ADGRG7: variants seen among roughly 807,000 people sequenced by gnomAD.
ADGRG7 encodes the protein adhesion G protein-coupled receptor G7.
A neutral mutation model predicts 88.6 loss-of-function variants in ADGRG7; 82 were observed. That is an observed-to-expected ratio of 0.93 (90% CI 0.77 to 1.11). The LOEUF (loss-of-function observed/expected upper bound fraction) is 1.11. Among genes scored for constraint, ADGRG7 ranks in the 50% most tolerant of loss-of-function variants. ADGRG7 has a pLI of 0.00. For synonymous variants in ADGRG7, 381 were observed against 345.2 expected (o/e 1.10, Z -1.15); for missense variants, 945 against 953.4 (o/e 0.99, Z 0.12).
chr3:100,655,827 T>G, intron 12 of ADGRG7, 72 bp from the exon 13 acceptor site: 1 of 895,400 alleles, frequency 1.1e-6, no homozygotes, highest in South Asian at 1.4e-5. Flanking sequence ...GATGTATAAT[T>G]CATGTATGAT....
At chr3:100,658,903 T>G (rs560772734) in intron 13 of ADGRG7, among the ~76,000 whole-genome samples, 5 of 152,262 alleles carry the variant, frequency 3.3e-5, no homozygotes, top group African/African-American at 1.2e-4. Context: ...TCTAAAACAG[T>G]GTCTAGCACA....
chr3:100,651,279 G>C (rs2094929085), intron 11 of ADGRG7, among the ~76,000 whole-genome samples: 1 of 152,176 alleles, frequency 6.6e-6, no homozygotes, highest in South Asian at 2.1e-4. Flanking sequence ...ATTACAAATT[G>C]TGGTAAGTGC....
Position 100,665,448 on chromosome 3 carries a change from A to G in ADGRG7, c.1980-3501A>G, listed in dbSNP as rs573572180. 1.1e-5 allele frequency: 6 copies of G among 536,936 alleles called. No individual in the cohort carries two copies. The East Asian group carries it at 3.2e-4, about 29-fold the overall frequency. 33.3% of individuals were successfully genotyped at this position (536,936 alleles called of 1,614,324 possible). On this transcript the variant is annotated intron_variant, in intron 14 of 15. Coordinates refer to ENST00000273352, the MANE Select transcript of ADGRG7 (RefSeq NM_032787.3). The stretch of plus-strand genomic sequence containing the variant: ...TCAGCTTTTCCACTAAATCTTCAGC[A>G]ACATCAAAACCACCAAAGACTCACT...
intron 3 of ADGRG7, 89 bp from the exon 4 acceptor site, chr3:100,633,176 T>C: frequency 1.8e-6 from 1 of 570,444 alleles, no homozygotes; most frequent in Non-Finnish European, 2.7e-6. Flanking sequence ...AAATTATAAC[T>C]TTTAATAAAA....
chr3:100,614,255 A>G (rs535269809), intron 1 of ADGRG7, among the ~76,000 whole-genome samples: 11 of 152,342 alleles, frequency 7.2e-5, no homozygotes, highest in African/African-American at 2.4e-4. Flanking sequence ...ATTAAGTTCA[A>G]TTGACTAGCT....
intron 15 of ADGRG7, among the ~76,000 whole-genome samples, chr3:100,685,703 C>G (rs976877045): frequency 6.6e-6 from 1 of 152,220 alleles, no homozygotes; most frequent in East Asian, 1.9e-4. Context: ...AGGACATGAA[C>G]TCATCATTTT....
At position 100,655,030 on chromosome 3, in the gene ADGRG7, G is replaced by A. The variant is rs781132080; in HGVS notation, c.1575G>A (p.Met525Ile). Residue 525 changes from methionine to isoleucine, a missense_variant, in exon 12 of 16, where the codon ATG becomes ATA. By Grantham distance (10) the Met-to-Ile change is conservative. Transcript: ENST00000273352. ...RTDTINIPNP[M>I]CTAIAALLHY... ...ACACCATTAACATCCCGAATCCCAT[G>A]TGCACTGCGATTGCCGCCTTACTGC... 1 of 1,614,100 alleles carries A rather than the reference G, an allele frequency of 6.2e-7. No individual in the cohort carries two copies. Among genetic ancestry groups the A allele is most frequent in the Non-Finnish European group, 8.5e-7 (1 of 1,180,002 alleles).
intron 1 of ADGRG7, among the ~76,000 whole-genome samples, chr3:100,615,922 C>T (rs999185727): frequency 2.0e-5 from 3 of 151,762 alleles, no homozygotes; most frequent in African/African-American, 7.3e-5. Context: ...GTAGGATCAA[C>T]CAAGAAAAGA....
intron 8 of ADGRG7, among the ~76,000 whole-genome samples, chr3:100,645,057 C>G (rs1301916921): frequency 6.6e-6 from 1 of 152,190 alleles, no homozygotes; most frequent in Non-Finnish European, 1.5e-5. Flanking sequence ...AATCAGATGA[C>G]TGAATACTCT....
intron 3 of ADGRG7, among the ~76,000 whole-genome samples, chr3:100,632,968 A>G (rs79773218): frequency 1.2e-3 from 184 of 152,278 alleles, no homozygotes; most frequent in African/African-American, 4.4e-3. Context: ...GGAATTTTTC[A>G]TATTGTTTCT....
intron 15 of ADGRG7, among the ~76,000 whole-genome samples, chr3:100,680,856 A>G (rs1462899577): frequency 2.0e-5 from 3 of 152,198 alleles, no homozygotes; most frequent in African/African-American, 7.2e-5. Flanking sequence ...GGAAATTAAG[A>G]GAGAAGAATT....
intron 15 of ADGRG7, among the ~76,000 whole-genome samples, chr3:100,685,348 T>C (rs962718648): frequency 6.6e-6 from 1 of 152,202 alleles, no homozygotes; most frequent in Non-Finnish European, 1.5e-5. Context: ...ACTAAAATTC[T>C]TGTATTTTTC....
chr3:100,669,918 A>G (rs1449759374), intron 15 of ADGRG7, among the ~76,000 whole-genome samples: 1 of 151,918 alleles, frequency 6.6e-6, no homozygotes, highest in African/African-American at 2.4e-5. Flanking sequence ...TGCACCTGTA[A>G]TTGCAGCTAC....
intron 1 of ADGRG7, among the ~76,000 whole-genome samples, chr3:100,623,738 C>A (rs1040284122): frequency 6.6e-6 from 1 of 151,880 alleles, no homozygotes; most frequent in Non-Finnish European, 1.5e-5. Flanking sequence ...GTGTGTTGTT[C>A]CCCTTCCTGT....
At chr3:100,628,276 G>T (rs987984498) in intron 1 of ADGRG7, among the ~76,000 whole-genome samples, 1 of 151,672 alleles carries the variant, frequency 6.6e-6, no homozygotes, top group Non-Finnish European at 1.5e-5. Context: ...TTTTAAAAAC[G>T]TTTGTGCAAT....
chr3:100,686,212 T>G (rs1456058362), intron 15 of ADGRG7, among the ~76,000 whole-genome samples: 4 of 152,088 alleles, frequency 2.6e-5, no homozygotes, highest in Non-Finnish European at 5.9e-5. Flanking sequence ...GCCCACTTTT[T>G]GATGGGGTTG....
Position 100,615,643 on chromosome 3 carries a change from A to G in ADGRG7, c.115+5672A>G, listed in dbSNP as rs1707214461. Among the ~76,000 whole-genome samples, 2 of 152,244 alleles carry G rather than the reference A, an allele frequency of 1.3e-5. 1 individual carries two copies. Among genetic ancestry groups the G allele is most frequent in the Middle Eastern group, 6.3e-3 (2 of 316 alleles). ...ATGACTCTTGACTTACAGCAAAAAG[A>G]CAGAAGGAGTAGACATGGATGGACC... is the stretch of plus-strand genomic sequence containing the variant. On this transcript the variant is annotated intron_variant, in intron 1 of 15. Transcript: ENST00000273352.
At chr3:100,630,582 G>A (rs988641583) in intron 2 of ADGRG7, 123 bp from the exon 3 acceptor site, 1 of 401,994 alleles carries the variant, frequency 2.5e-6, no homozygotes, top group African/African-American at 2.1e-5. Context: ...CAGGCCAGTG[G>A]GTTCTATAAG....
At chr3:100,630,671 A>G (rs1312457478) in intron 2 of ADGRG7, 34 bp from the exon 3 acceptor site, 3 of 1,043,546 alleles carry the variant, frequency 2.9e-6, no homozygotes, top group Non-Finnish European at 3.9e-6. Flanking sequence ...TTAAAATACA[A>G]TTTATAATAA....
Sources: allele counts gnomAD v4.1 joint callset (sites outside exome capture counted in the v4.1 genomes callset), GRCh38; gene constraint gnomAD v4.1.1; transcripts MANE v1.5; gene names NCBI Gene and HGNC (gene_info 2026-07-23, HGNC 2026-07-21).